GRIA1: variants seen among roughly 807,000 people sequenced by gnomAD.
GRIA1 encodes glutamate receptor 1.
A neutral mutation model predicts 99.2 loss-of-function variants in GRIA1; 31 were observed. That is an observed-to-expected ratio of 0.31 (90% CI 0.23 to 0.42). GRIA1 has a LOEUF of 0.42. Among genes scored for constraint, GRIA1 ranks in the 10% least tolerant of loss-of-function variants. The probability of loss-of-function intolerance (pLI) is 1.00; values close to 1 mark genes in which losing one functional copy is unlikely to be tolerated. For synonymous variants in GRIA1, 438 were observed against 432.4 expected, an observed-to-expected ratio of 1.01 and a Z score of -0.16; for missense variants, 782 against 1,157.5, an observed-to-expected ratio of 0.68 and a Z score of 4.71.
intron 2 of GRIA1, among the ~76,000 whole-genome samples, chr5:153,557,482 A>C (rs2149348584): frequency 6.6e-6 from 1 of 152,298 alleles, no homozygotes; most frequent in South Asian, 2.1e-4. Context: ...TTACTGTACA[A>C]ACTTTTAAAT....
intron 14 of GRIA1, among the ~76,000 whole-genome samples, chr5:153,800,797 G>A (rs1340064297): frequency 3.3e-5 from 5 of 152,172 alleles, no homozygotes; most frequent in Non-Finnish European, 7.3e-5. Flanking sequence ...GTCAATAAGC[G>A]ATTCCTTTCC....
rs563596283 is a variant in GRIA1, at chr5:153,556,049, T to A, written c.220+61984T>A. Among the ~76,000 whole-genome samples, 167 of 152,244 alleles carry A rather than the reference T, an allele frequency of 1.1e-3. 1 individual carries two copies. The highest frequency in any genetic ancestry group is 1.9e-3 in the Non-Finnish European group (126 of 68,046). ...AACCATCATGCCAAACTTGGGACAC[T>A]TAGGTATCATTGTTTTTCATTTTCC... On this transcript the variant is annotated intron_variant, in intron 2 of 15. Coordinates refer to ENST00000285900, the MANE Select transcript of GRIA1 (RefSeq NM_000827.4).
intron 2 of GRIA1, among the ~76,000 whole-genome samples, chr5:153,551,533 G>A (rs1760142565): frequency 6.6e-6 from 1 of 152,116 alleles, no homozygotes; most frequent in Admixed American, 6.6e-5. Flanking sequence ...TTCGATTAAT[G>A]GAAGAGAACA....
chr5:153,756,646 T>TGTAC (rs1468594779), intron 11 of GRIA1, among the ~76,000 whole-genome samples: 2 of 152,314 alleles, frequency 1.3e-5, no homozygotes, highest in East Asian at 3.9e-4. Context: ...AGTACCCGCC[T>TGTAC]TGACTCTTCT....
intron 2 of GRIA1, among the ~76,000 whole-genome samples, chr5:153,565,963 TGTTTTCATTTTTCTTGAGTGTGTACCTA>T (rs1375986847): frequency 2.0e-5 from 3 of 152,200 alleles, no homozygotes; most frequent in African/African-American, 7.2e-5. Flanking sequence ...TGTGGCCATA[TGTTTTCATTTTTCTTGAGTGTGTACCTA>T]GTGGTGAAAT....
At chr5:153,668,532 GTAAATTACTA>G (rs1755915231) in intron 5 of GRIA1, among the ~76,000 whole-genome samples, 1 of 152,174 alleles carries the variant, frequency 6.6e-6, no homozygotes, top group Non-Finnish European at 1.5e-5. Flanking sequence ...AATAGTAATA[GTAAATTACTA>G]TTTTCTATAT....
chr5:153,686,087 G>T, intron 7 of GRIA1, 138 bp from the exon 8 acceptor site: 1 of 680,076 alleles, frequency 1.5e-6, no homozygotes, highest in Non-Finnish European at 2.6e-6. Context: ...AGGGAGTGAA[G>T]AGTTTTAGCA....
intron 7 of GRIA1, among the ~76,000 whole-genome samples, chr5:153,682,511 G>A (rs141284537): frequency 1.0e-3 from 152 of 152,162 alleles, no homozygotes; most frequent in African/African-American, 3.6e-3. Flanking sequence ...TGTCCACCAC[G>A]TCCACCCTCT....
intron 13 of GRIA1, among the ~76,000 whole-genome samples, chr5:153,775,891 A>G (rs1764210413): frequency 8.3e-6 from 1 of 120,180 alleles, no homozygotes; most frequent in Non-Finnish European, 1.7e-5. Context: ...AAAGAGAGCA[A>G]ATGCAGAAAC....
chr5:153,741,943 A>AG (rs1458693276), intron 11 of GRIA1, among the ~76,000 whole-genome samples: 3 of 125,530 alleles, frequency 2.4e-5, no homozygotes, highest in African/African-American at 9.1e-5. Context: ...TTAAAAAAAA[A>AG]AAAAAAAGAA....
At chr5:153,566,542 G>A (rs1003467240) in intron 2 of GRIA1, among the ~76,000 whole-genome samples, 3 of 151,004 alleles carry the variant, frequency 2.0e-5, no homozygotes, top group African/African-American at 7.3e-5. Flanking sequence ...CTGACCTCAG[G>A]TGATCTGCCT....
At chr5:153,791,792 T>C (rs147490992) in intron 13 of GRIA1, among the ~76,000 whole-genome samples, 86 of 152,272 alleles carry the variant, frequency 5.6e-4, no homozygotes, top group African/African-American at 2.0e-3. Context: ...GCTCACTTTC[T>C]GGTCCTTTTC....
At chr5:153,608,292 T>C (rs1474067842) in intron 2 of GRIA1, among the ~76,000 whole-genome samples, 8 of 152,214 alleles carry the variant, frequency 5.3e-5, no homozygotes. Context: ...TGTCTTGATG[T>C]CTTTTGTCAG....
At chr5:153,745,369 C>T (rs957880065) in intron 11 of GRIA1, among the ~76,000 whole-genome samples, 4 of 151,628 alleles carry the variant, frequency 2.6e-5, no homozygotes, top group African/African-American at 4.8e-5. Context: ...GAGTGGGTCA[C>T]CTGAGGTCAG....
intron 2 of GRIA1, among the ~76,000 whole-genome samples, chr5:153,603,709 G>A (rs1194956183): frequency 2.0e-5 from 3 of 152,162 alleles, no homozygotes. Flanking sequence ...CCAATGTGGT[G>A]TCATGGTTAG....
chr5:153,706,893 G>A (rs1197453444), intron 11 of GRIA1, among the ~76,000 whole-genome samples: 3 of 151,962 alleles, frequency 2.0e-5, no homozygotes, highest in Non-Finnish European at 4.4e-5. Context: ...TCAGGAGTTC[G>A]AGACCAGCCT....
At chr5:153,797,087 A>G (rs1388742567) in intron 14 of GRIA1, among the ~76,000 whole-genome samples, 3 of 152,160 alleles carry the variant, frequency 2.0e-5, no homozygotes, top group African/African-American at 7.2e-5. Flanking sequence ...TGTCAGAGGG[A>G]CGTGAGTGGA....
chr5:153,805,339 G>C (rs2149676767), intron 15 of GRIA1, among the ~76,000 whole-genome samples: 1 of 152,254 alleles, frequency 6.6e-6, no homozygotes, highest in East Asian at 1.9e-4. Flanking sequence ...GGGTTGTGTG[G>C]ACATCCCACA....
chr5:153,592,750 T>A (rs911607773), intron 2 of GRIA1, among the ~76,000 whole-genome samples: 1 of 152,138 alleles, frequency 6.6e-6, no homozygotes, highest in Non-Finnish European at 1.5e-5. Flanking sequence ...ATAGACTGGG[T>A]GGCTTAAACA....
Sources: gnomAD v4.1 joint callset for allele counts (sites outside exome capture counted in the v4.1 genomes callset) on GRCh38, gnomAD v4.1.1 for gene constraint, MANE v1.5 for transcripts, NCBI Gene and HGNC (gene_info 2026-07-23, HGNC 2026-07-21) for gene names.